The following SDK2 variants were observed in gnomAD, a reference collection of about 807,000 sequenced individuals.
SDK2 encodes sidekick cell adhesion molecule 2, also known as protein sidekick-2.
A neutral mutation model predicts 253.9 loss-of-function variants in SDK2; 105 were observed. The ratio of observed to expected loss-of-function variants is 0.41; its 90% CI spans 0.35 to 0.49. The LOEUF (loss-of-function observed/expected upper bound fraction) is 0.49. Ranked by LOEUF, SDK2 falls within the 20% of genes least tolerant of loss-of-function variation. SDK2 has a pLI of 0.06. For synonymous variants in SDK2, 1,249 were observed against 1,234.9 expected, an observed-to-expected ratio of 1.01 and a Z score of -0.24; for missense variants, 2,608 against 3,003.0, an observed-to-expected ratio of 0.87 and a Z score of 3.07.
In SDK2 at chr17:73,375,230, C is replaced by CTTTTTTTT. The variant is rs33992958; in HGVS notation, c.4980+3939_4980+3946dup. On this transcript the variant is annotated intron_variant, in intron 36 of 44. Coordinates refer to ENST00000392650, the MANE Select transcript of SDK2 (RefSeq NM_001144952.2). ...TCTCATTAAGTCCTTTCCTAACAAC[C>CTTTTTTTT]TTTTTTTTTTTTTTTTTTTTTTTTT... Among the ~76,000 whole-genome samples, 2 of 58,660 alleles carry CTTTTTTTT rather than the reference C, an allele frequency of 3.4e-5. 1 individual carries two copies. Among genetic ancestry groups the CTTTTTTTT allele is most frequent in the African/African-American group, 1.4e-4 (2 of 14,208 alleles). 38.5% of individuals were successfully genotyped at this position (58,660 alleles called of 152,430 possible).
In SDK2 at chr17:73,435,719, G is replaced by A; in HGVS notation, c.1001-75C>T. ...CGCCTAGGAGGGGTGCTTGGGAGGA[G>A]GCCGGGCCCGGAAATCTGCGAGGGG... On this transcript the variant is annotated intron_variant, in intron 8 of 44. Transcript: ENST00000392650. The surrounding 1 kb of genome is among the most constrained non-coding windows in gnomAD (Gnocchi z 5.7). 1 of 1,361,884 alleles carries A rather than the reference G, an allele frequency of 7.3e-7. No individual in the cohort carries two copies. The highest frequency in any genetic ancestry group is 1.4e-5 in the South Asian group (1 of 69,414). The allele number at this position is 1,361,884 out of a possible 1,614,324, so 84.4% of individuals were successfully genotyped here.
chr17:73,560,026 G>A (rs1250568642), intron 1 of SDK2, among the ~76,000 whole-genome samples: 4 of 152,166 alleles, frequency 2.6e-5, no homozygotes, highest in Admixed American at 6.5e-5. Context: ...CACGGGAAGC[G>A]GGTCTATGGC....
At chr17:73,457,264 TTCCTTCCTTCCTTCC>T (rs2063533224) in intron 3 of SDK2, among the ~76,000 whole-genome samples, 1 of 54,818 alleles carries the variant, frequency 1.8e-5, no homozygotes, top group Non-Finnish European at 3.2e-5. Context: ...CCTTCCTTCC[TTCCTTCCTTCCTTCC>T]TTCCTTCCCC....
chr17:73,487,919 C>T (rs1284783609), intron 2 of SDK2, among the ~76,000 whole-genome samples: 2 of 152,162 alleles, frequency 1.3e-5, no homozygotes, highest in African/African-American at 2.4e-5. Flanking sequence ...TTACTCTGGT[C>T]CCAGCTCTGT....
chr17:73,387,047 G>A (rs1222846816), intron 30 of SDK2, among the ~76,000 whole-genome samples: 5 of 152,006 alleles, frequency 3.3e-5, no homozygotes, highest in African/African-American at 7.2e-5. Context: ...TGCAACCTCC[G>A]CCTCCCGCGT....
At chr17:73,348,411 G>A (rs1014513717) in intron 44 of SDK2, among the ~76,000 whole-genome samples, 188 bp downstream of exon 44, 4 of 152,220 alleles carry the variant, frequency 2.6e-5, no homozygotes, top group Non-Finnish European at 5.9e-5. Flanking sequence ...ATTGGCACTG[G>A]CCGCAAACTT....
chr17:73,344,835 A>T (rs1430754985), intron 44 of SDK2, among the ~76,000 whole-genome samples: 1 of 152,122 alleles, frequency 6.6e-6, no homozygotes, highest in East Asian at 1.9e-4. Context: ...TAGAATGGTG[A>T]CGGCAGAACA....
rs561159742 is a variant in SDK2 at position 73,398,080 on chromosome 17, C to A, written c.3309G>T (p.Val1103=). 1.2e-6 allele frequency: 2 copies of A among 1,613,538 alleles called. No homozygotes were observed. The highest frequency in any genetic ancestry group is 1.1e-5 in the South Asian group (1 of 91,086). The change falls in exon 24 of 45, where the codon GTG becomes GTT. Residue 1103 remains valine (V), a synonymous_variant. Transcript: ENST00000392650. ...TGGTCTCACTGGCTGTGCGCAGAGA[C>A]ACATTGGCTGGGGCCATGTCAGGGG... ...QAPPDMAPAN[V]SLRTASETSL...
chr17:73,525,271 G>C (rs1165326216), intron 1 of SDK2, among the ~76,000 whole-genome samples: 1 of 152,168 alleles, frequency 6.6e-6, no homozygotes, highest in Non-Finnish European at 1.5e-5. Context: ...TCGAGGGGGT[G>C]AACGCCAGGA....
At chr17:73,440,750 C>T (rs992744252) in intron 6 of SDK2, 62 bp downstream of exon 6, 61 of 1,254,516 alleles carry the variant, frequency 4.9e-5, no homozygotes, top group East Asian at 2.3e-4. Flanking sequence ...CCCTGGAGCC[C>T]GCAGTTTGGG....
chr17:73,569,667 G>A (rs2045356656), intron 1 of SDK2, among the ~76,000 whole-genome samples: 1 of 151,200 alleles, frequency 6.6e-6, no homozygotes, highest in Non-Finnish European at 1.5e-5. Flanking sequence ...CAGCCCCTCT[G>A]TGTGATTTTA....
chr17:73,386,129 G>T (rs1599508954), intron 31 of SDK2, among the ~76,000 whole-genome samples: 1 of 152,186 alleles, frequency 6.6e-6, no homozygotes, highest in South Asian at 2.1e-4. Context: ...AAACCCAAGG[G>T]TCCCAGAGCC....
At chr17:73,413,652 T>C (rs1001936985) in intron 18 of SDK2, among the ~76,000 whole-genome samples, 1 of 152,198 alleles carries the variant, frequency 6.6e-6, no homozygotes, top group East Asian at 1.9e-4. Context: ...CTGAACAAAT[T>C]AGAAATATTA....
chr17:73,419,126 C>T, intron 16 of SDK2, 40 bp downstream of exon 16: 1 of 1,602,594 alleles, frequency 6.2e-7, no homozygotes, highest in Non-Finnish European at 8.5e-7. Flanking sequence ...CATGCCTTTC[C>T]CCTTGGGACT....
At chr17:73,519,168 A>G (rs910356244) in intron 1 of SDK2, 1 of 152,332 alleles carries the variant, frequency 6.6e-6, no homozygotes, top group South Asian at 2.1e-4. Context: ...TGGTGCCACC[A>G]GATGCAGGGC....
At chr17:73,360,294 G>A (rs1239765625) in intron 39 of SDK2, among the ~76,000 whole-genome samples, 1 of 152,252 alleles carries the variant, frequency 6.6e-6, no homozygotes, top group East Asian at 1.9e-4. Flanking sequence ...GAACCAGACT[G>A]TGGGGAATAG....
chr17:73,394,815 C>T (rs998274539), intron 25 of SDK2, among the ~76,000 whole-genome samples: 1 of 152,158 alleles, frequency 6.6e-6, no homozygotes, highest in Non-Finnish European at 1.5e-5. Context: ...CTTTCCTCGA[C>T]CCCTCCACTG....
chr17:73,552,831 G>A (rs74441173), intron 1 of SDK2, among the ~76,000 whole-genome samples: 3,535 of 152,284 alleles, frequency 0.023, 124 homozygotes, highest in African/African-American at 0.08. Flanking sequence ...CTCTGGCTTC[G>A]TTTACACTGC....
chr17:73,475,338 G>A (rs1172849802), intron 2 of SDK2, among the ~76,000 whole-genome samples: 1 of 152,180 alleles, frequency 6.6e-6, no homozygotes, highest in Non-Finnish European at 1.5e-5. Flanking sequence ...TTTTAGTAGA[G>A]ATGGGGTTTC....
Sources: allele counts gnomAD v4.1 joint callset (sites outside exome capture counted in the v4.1 genomes callset), GRCh38; gene constraint gnomAD v4.1.1; non-coding constraint Gnocchi (gnomAD v3.1); transcripts MANE v1.5; gene names NCBI Gene and HGNC (gene_info 2026-07-23, HGNC 2026-07-21).